The following PTPRO variants were observed in gnomAD, a reference collection of about 807,000 sequenced individuals.
The protein encoded by PTPRO is protein tyrosine phosphatase receptor type O, also known as receptor-type tyrosine-protein phosphatase O.
A neutral mutation model predicts 145.2 loss-of-function variants in PTPRO; 62 were observed. The ratio of observed to expected loss-of-function variants is 0.43; its 90% CI spans 0.35 to 0.53. The LOEUF is 0.53. PTPRO is among the 20% of genes least tolerant of loss of function. PTPRO has a pLI of 0.01. For synonymous variants in PTPRO, 565 were observed against 514.7 expected, an observed-to-expected ratio of 1.10 and a Z score of -1.32; for missense variants, 1,345 against 1,482.7, an observed-to-expected ratio of 0.91 and a Z score of 1.53.
chr12:15,394,975 C>T (rs774542611), intron 1 of PTPRO, among the ~76,000 whole-genome samples: 8 of 151,778 alleles, frequency 5.3e-5, no homozygotes, highest in South Asian at 2.1e-4. Flanking sequence ...TTTAAAAAGG[C>T]GGCAAAGAAA....
intron 1 of PTPRO, among the ~76,000 whole-genome samples, chr12:15,349,743 A>G (rs140838652): frequency 2.5e-4 from 38 of 152,358 alleles, no homozygotes; most frequent in African/African-American, 8.9e-4. Context: ...CTGTGCTTTA[A>G]TTCACTCTAC....
At chr12:15,593,219 C>A (rs1253375626) in intron 25 of PTPRO, among the ~76,000 whole-genome samples, 1 of 152,212 alleles carries the variant, frequency 6.6e-6, no homozygotes, top group Non-Finnish European at 1.5e-5. Context: ...TTGAAAAATA[C>A]AGGTTAGGCT....
intron 1 of PTPRO, among the ~76,000 whole-genome samples, chr12:15,474,554 G>A (rs983444978): frequency 3.9e-5 from 6 of 152,182 alleles, no homozygotes; most frequent in East Asian, 1.9e-4. Context: ...TCTCTCAAGC[G>A]TAAAATGAGA....
chr12:15,417,018 C>T (rs1827858512), intron 1 of PTPRO, among the ~76,000 whole-genome samples: 3 of 151,710 alleles, frequency 2.0e-5, no homozygotes, highest in Admixed American at 1.3e-4. Flanking sequence ...GTATTATTCA[C>T]ATGACATTAT....
In PTPRO at chr12:15,546,642, G is replaced by A. The variant is rs772502498; in HGVS notation, c.2238G>A (p.Glu746=). 5.6e-6 allele frequency: 9 copies of A among 1,613,744 alleles called. No homozygotes were observed. In the African/African-American group the frequency reaches 8.0e-5, roughly 14 times the overall value. The change falls in exon 13 of 27, where the codon GAG becomes GAA. Residue 746 remains glutamate, a synonymous_variant. Coordinates refer to ENST00000281171, the MANE Select transcript of PTPRO (RefSeq NM_030667.3). ...QTSVTLLWVE[E]GVADFFEVFC... Reference sequence around the variant, plus strand: ...CAGTGACTTTGCTGTGGGTGGAAGAGGGAGTAGCTGATTTCTTTGAAGTTT... The same window carrying A: ...CAGTGACTTTGCTGTGGGTGGAAGAAGGAGTAGCTGATTTCTTTGAAGTTT...
intron 9 of PTPRO, among the ~76,000 whole-genome samples, chr12:15,519,895 A>G (rs188917573): frequency 6.6e-6 from 1 of 152,354 alleles, no homozygotes; most frequent in Admixed American, 6.5e-5. Context: ...AAATGTATGT[A>G]CAGTCACTTA....
intron 1 of PTPRO, among the ~76,000 whole-genome samples, chr12:15,394,719 C>T (rs779770626): frequency 5.9e-5 from 9 of 152,156 alleles, no homozygotes; most frequent in Non-Finnish European, 1.3e-4. Flanking sequence ...TTTACTTGGC[C>T]TTTCCAAATA....
chr12:15,323,980 T>A (rs947874912), intron 1 of PTPRO, among the ~76,000 whole-genome samples: 7 of 152,170 alleles, frequency 4.6e-5, no homozygotes, highest in Non-Finnish European at 8.8e-5. Flanking sequence ...AATGCCTAAG[T>A]AAGACCTTAA....
chr12:15,367,281 A>G (rs1462746351), intron 1 of PTPRO, among the ~76,000 whole-genome samples: 3 of 152,204 alleles, frequency 2.0e-5, no homozygotes, highest in Non-Finnish European at 1.5e-5. Context: ...GTACAAACAA[A>G]TCCCCAGTCT....
At chr12:15,388,011 A>G (rs542056047) in intron 1 of PTPRO, among the ~76,000 whole-genome samples, 9 of 152,316 alleles carry the variant, frequency 5.9e-5, no homozygotes, top group Admixed American at 5.9e-4. Flanking sequence ...CCCTATAAGG[A>G]AAGTAAAAAG....
chr12:15,520,109 T>G, intron 9 of PTPRO, 92 bp from the exon 10 acceptor site: 2 of 795,636 alleles, frequency 2.5e-6, no homozygotes, highest in Non-Finnish European at 4.4e-6. Context: ...AAAATTAAAA[T>G]TACTTATTAA....
intron 5 of PTPRO, among the ~76,000 whole-genome samples, chr12:15,503,553 G>A (rs1305848628): frequency 6.6e-6 from 1 of 152,044 alleles, no homozygotes; most frequent in African/African-American, 2.4e-5. Context: ...TTATTTTTTA[G>A]CCCTTACCTC....
At chr12:15,530,814 G>A (rs1282047436) in intron 12 of PTPRO, among the ~76,000 whole-genome samples, 1 of 151,728 alleles carries the variant, frequency 6.6e-6, no homozygotes, top group African/African-American at 2.4e-5. Context: ...TGTACCTCAA[G>A]GAACTAGAAA....
At chr12:15,587,251 GT>G in intron 24 of PTPRO, 200 bp downstream of exon 24, 1 of 619,784 alleles carries the variant, frequency 1.6e-6, no homozygotes. Context: ...TAAAATAGAT[GT>G]TATTATTCCA....
At chr12:15,464,144 G>T (rs571008627) in intron 1 of PTPRO, among the ~76,000 whole-genome samples, 2 of 152,242 alleles carry the variant, frequency 1.3e-5, no homozygotes, top group South Asian at 4.2e-4. Context: ...AGAAAAAAGA[G>T]GCACAGCAGA....
chr12:15,562,797 T>C lies in PTPRO; in HGVS notation c.2711+2521T>C, dbSNP rs567752709. 8.5e-5 allele frequency among the ~76,000 whole-genome samples: 13 copies of C among 152,048 alleles called. No individual in the cohort carries two copies. In the South Asian group the frequency reaches 1.5e-3, roughly 17 times the overall value. ...CTCATGCTGTACTCAGGTATTTATC[T>C]GCTTGTTCTCAATCCTAGGCAGTTG... On this transcript the variant is annotated intron_variant, in intron 17 of 26. Coordinates refer to ENST00000281171, the MANE Select transcript of PTPRO (RefSeq NM_030667.3).
chr12:15,440,317 C>T (rs1352850102), intron 1 of PTPRO: 4 of 496,180 alleles, frequency 8.1e-6, no homozygotes, highest in Non-Finnish European at 3.6e-6. Flanking sequence ...CCATGTCTCC[C>T]TATCAGGAAT....
intron 1 of PTPRO, among the ~76,000 whole-genome samples, chr12:15,360,026 T>C (rs1938125868): frequency 6.6e-6 from 1 of 152,206 alleles, no homozygotes; most frequent in Admixed American, 6.5e-5. Context: ...ATTTTCTTTA[T>C]CTTTCAAGCC....
At chr12:15,348,601 A>C (rs1937674241) in intron 1 of PTPRO, 1 of 152,242 alleles carries the variant, frequency 6.6e-6, no homozygotes, top group Non-Finnish European at 1.5e-5. Flanking sequence ...TACTAAAAAC[A>C]CAGTGAAACC....
Sources: allele counts gnomAD v4.1 joint callset (sites outside exome capture counted in the v4.1 genomes callset), GRCh38; gene constraint gnomAD v4.1.1; transcripts MANE v1.5; gene names NCBI Gene and HGNC (gene_info 2026-07-23, HGNC 2026-07-21).